Variants in ITFG1 observed in about 807,000 individuals in gnomAD.
The protein encoded by ITFG1 is T-cell immunomodulatory protein.
Under a neutral mutation model 81.8 loss-of-function variants are expected in ITFG1, and 34 were observed. The ratio of observed to expected loss-of-function variants is 0.42; its 90% CI spans 0.32 to 0.55. The LOEUF (loss-of-function observed/expected upper bound fraction) is 0.55. Ranked by LOEUF, ITFG1 falls within the 20% of genes least tolerant of loss-of-function variation. The pLI is 0.17. For synonymous variants in ITFG1, 285 were observed against 270.6 expected, an observed-to-expected ratio of 1.05 and a Z score of -0.52; for missense variants, 672 against 755.4, an observed-to-expected ratio of 0.89 and a Z score of 1.29.
At chr16:47,403,902 C>T (rs1968695463) in intron 6 of ITFG1, among the ~76,000 whole-genome samples, 1 of 151,288 alleles carries the variant, frequency 6.6e-6, no homozygotes, top group African/African-American at 2.4e-5. Context: ...AGGAACTGAG[C>T]CGCATGGCAT....
chr16:47,452,024 T>C (rs773783176), intron 4 of ITFG1, among the ~76,000 whole-genome samples: 2 of 152,210 alleles, frequency 1.3e-5, no homozygotes, highest in Admixed American at 6.5e-5. Context: ...ATACTGGCCA[T>C]TGAATATTTT....
At chr16:47,198,810 T>C (rs1323872415) in intron 14 of ITFG1, among the ~76,000 whole-genome samples, 2 of 152,108 alleles carry the variant, frequency 1.3e-5, no homozygotes, top group Non-Finnish European at 2.9e-5. Context: ...GTTTAAAAAG[T>C]AAAAATAAAA....
intron 12 of ITFG1, among the ~76,000 whole-genome samples, chr16:47,240,388 C>G (rs1965920132): frequency 6.6e-6 from 1 of 151,596 alleles, no homozygotes; most frequent in Non-Finnish European, 1.5e-5. Flanking sequence ...AGTTTACCTC[C>G]CTACGTAAAA....
intron 10 of ITFG1, chr16:47,299,756 A>T (rs1173935914): frequency 6.6e-6 from 1 of 152,282 alleles, no homozygotes; most frequent in Non-Finnish European, 1.5e-5. Context: ...GCAGCCAGCC[A>T]AATCACAAGC....
chr16:47,457,460 T>C (rs771144518), intron 2 of ITFG1, among the ~76,000 whole-genome samples: 1 of 152,212 alleles, frequency 6.6e-6, no homozygotes, highest in Non-Finnish European at 1.5e-5. Flanking sequence ...AGATAAATTA[T>C]GTTAGTTAAA....
rs533410043 is a variant in ITFG1 at position 47,263,214 on chromosome 16, A to G, written c.1071-2519T>C. 8.7e-6 allele frequency: 3 copies of G among 343,272 alleles called. No homozygotes were observed. The South Asian group carries it at 9.0e-5, about 10-fold the overall frequency. The allele number at this position is 343,272 out of a possible 1,614,324, so 21.3% of individuals were successfully genotyped here. A position where few individuals can be genotyped will look rare whatever the true frequency, so the allele number is the denominator to read the frequency against. On this transcript the variant is annotated intron_variant, in intron 10 of 17. Coordinates refer to ENST00000320640, the MANE Select transcript of ITFG1 (RefSeq NM_030790.5). Reference sequence around the variant, plus strand: ...GATAGGAGAGGCCCTGGCCTCTGCTACATGGACACTGAAGGGAATCAGATC... The same window carrying G: ...GATAGGAGAGGCCCTGGCCTCTGCTGCATGGACACTGAAGGGAATCAGATC...
At chr16:47,365,199 T>C (rs890585030) in intron 8 of ITFG1, among the ~76,000 whole-genome samples, 11 of 152,300 alleles carry the variant, frequency 7.2e-5, no homozygotes, top group East Asian at 1.9e-4. Context: ...GAACAAGCAC[T>C]GAACAGCTTT....
At chr16:47,262,241 A>G (rs1328425719) in intron 10 of ITFG1, among the ~76,000 whole-genome samples, 1 of 152,226 alleles carries the variant, frequency 6.6e-6, no homozygotes, top group East Asian at 1.9e-4. Context: ...TTCAGACCAT[A>G]ACATTTACTT....
intron 10 of ITFG1, among the ~76,000 whole-genome samples, chr16:47,307,092 T>TAAA (rs1967175821): frequency 3.1e-3 from 1 of 322 alleles, no homozygotes; most frequent in Non-Finnish European, 5.3e-3. Flanking sequence ...AAACTCCGTC[T>TAAA]CAAAAAAAAA....
intron 12 of ITFG1, among the ~76,000 whole-genome samples, chr16:47,241,171 A>G (rs1567432945): frequency 6.6e-6 from 1 of 152,354 alleles, no homozygotes; most frequent in East Asian, 1.9e-4. Context: ...ATGTGAAGAA[A>G]TTGGAACTCT....
chr16:47,360,029 T>C (rs1968089904), intron 8 of ITFG1, among the ~76,000 whole-genome samples: 1 of 152,226 alleles, frequency 6.6e-6, no homozygotes, highest in Non-Finnish European at 1.5e-5. Context: ...GTAGGAACTC[T>C]AAAACGTTTT....
chr16:47,413,200 C>T (rs944153335), intron 6 of ITFG1, among the ~76,000 whole-genome samples: 2 of 152,152 alleles, frequency 1.3e-5, no homozygotes, highest in African/African-American at 4.8e-5. Flanking sequence ...GACTGGGGGC[C>T]TATTTTCAGG....
chr16:47,177,573 A>G (rs264330), intron 14 of ITFG1, among the ~76,000 whole-genome samples: 152,068 of 152,358 alleles, frequency 1, 75,889 homozygotes, highest in East Asian at 1. Flanking sequence ...ATGTATGTTA[A>G]ATGCCGCATA....
At chr16:47,283,599 G>C (rs1966858805) in intron 10 of ITFG1, among the ~76,000 whole-genome samples, 1 of 152,132 alleles carries the variant, frequency 6.6e-6, no homozygotes, top group Non-Finnish European at 1.5e-5. Context: ...AAGGAATGCT[G>C]GTATTCTTAA....
chr16:47,430,044 T>C (rs1231442570), intron 5 of ITFG1, among the ~76,000 whole-genome samples: 2 of 151,132 alleles, frequency 1.3e-5, no homozygotes, highest in Non-Finnish European at 2.9e-5. Flanking sequence ...CTGTGGGTTG[T>C]CTTTTTACTT....
intron 8 of ITFG1, among the ~76,000 whole-genome samples, chr16:47,321,720 A>G (rs1042176610): frequency 6.6e-6 from 1 of 152,186 alleles, no homozygotes; most frequent in Non-Finnish European, 1.5e-5. Flanking sequence ...ACACAATGCT[A>G]CATTTTTGAT....
chr16:47,326,130 C>T (rs1004783177), intron 8 of ITFG1, among the ~76,000 whole-genome samples: 1 of 152,186 alleles, frequency 6.6e-6, no homozygotes, highest in Admixed American at 6.5e-5. Context: ...CCACCATGAT[C>T]AAGTGGGCAT....
intron 14 of ITFG1, among the ~76,000 whole-genome samples, chr16:47,180,830 C>G (rs936374396): frequency 1.3e-5 from 2 of 151,992 alleles, no homozygotes; most frequent in South Asian, 2.1e-4. Context: ...AGGAGCGTCT[C>G]TGCCTGGCCG....
intron 6 of ITFG1, among the ~76,000 whole-genome samples, chr16:47,428,359 G>A (rs1180167339): frequency 4.6e-5 from 7 of 152,116 alleles, no homozygotes; most frequent in African/African-American, 1.7e-4. Context: ...ACGGTTAAAT[G>A]TGCATATATT....
Sources: allele counts gnomAD v4.1 joint callset (sites outside exome capture counted in the v4.1 genomes callset), GRCh38; gene constraint gnomAD v4.1.1; transcripts MANE v1.5; gene names NCBI Gene and HGNC (gene_info 2026-07-23, HGNC 2026-07-21).